SLC14A2: variants seen among roughly 807,000 people sequenced by gnomAD.
The protein encoded by SLC14A2 is urea transporter 2.
SLC14A2 carries 91 observed loss-of-function variants against 104.6 expected under a neutral mutation model. The ratio of observed to expected loss-of-function variants is 0.87; its 90% confidence interval spans 0.73 to 1.04. The LOEUF (loss-of-function observed/expected upper bound fraction) is 1.04. SLC14A2 is among the 50% of genes least tolerant of loss of function. The pLI, the probability that SLC14A2 is intolerant of heterozygous loss-of-function variation, is 0.00. For missense variants in SLC14A2, 1,189 were observed against 1,156.0 expected (o/e 1.03, Z -0.41); for synonymous variants, 476 against 466.4 (o/e 1.02, Z -0.27).
At chr18:45,175,786 A>C in the SLC14A2 span, among the ~76,000 whole-genome samples, 12 of 152,156 alleles carry the variant, frequency 7.9e-5, no homozygotes, top group Non-Finnish European at 1.6e-4. Flanking sequence ...CTGACAGCAC[A>C]CTTTTGAAAG....
At chr18:45,637,746 C>T (rs1370701990) in intron 6 of SLC14A2, among the ~76,000 whole-genome samples, 1 of 152,184 alleles carries the variant, frequency 6.6e-6, no homozygotes, top group Non-Finnish European at 1.5e-5. Context: ...ACGCTGCTCC[C>T]AGGCCACTTC....
At position 45,236,271 on chromosome 18, in the gene SLC14A2, A is replaced by G. The variant is rs576606043; in HGVS notation, c.-125+23080A>G. On this transcript the variant is annotated intron_variant, in intron 1 of 20. Coordinates refer to the SLC14A2 transcript ENST00000586448. ...TGTATATATGTGTATATATACATGT[A>G]TGTGTGTATATGTGTATATATACAT... Among the ~76,000 whole-genome samples the G allele has an allele frequency of 3.3e-4, 17 of 51,028 alleles. 5 individuals are homozygous for G. Among genetic ancestry groups the G allele is most frequent in the Admixed American group, 8.8e-4 (3 of 3,410 alleles). The allele number at this position is 51,028 out of a possible 152,430, so 33.5% of individuals were successfully genotyped here. A position where few individuals can be genotyped will look rare whatever the true frequency, so the allele number is the denominator to read the frequency against.
chr18:45,565,690 C>T (rs541531845), intron 2 of SLC14A2, among the ~76,000 whole-genome samples: 9 of 152,218 alleles, frequency 5.9e-5, no homozygotes, highest in Non-Finnish European at 8.8e-5. Context: ...TCCCAGCACA[C>T]GCATCGGCTC....
upstream of SLC14A2, among the ~76,000 whole-genome samples, chr18:45,611,797 C>G (rs2044975964): frequency 6.6e-6 from 1 of 152,098 alleles, no homozygotes; most frequent in Non-Finnish European, 1.5e-5. Context: ...CATCACTGAC[C>G]CTGCAAAACA....
In SLC14A2 at chr18:45,596,253, C is replaced by T. The variant is rs565455752; in HGVS notation, c.-34-28378C>T. On this transcript the variant is annotated intron_variant, in intron 2 of 20. Transcript: ENST00000586448. ...TCTAAGTTTGAAATACTATTGGAAG[C>T]AGTGGAAATTGGCACGGCTACCTAG... is the stretch of plus-strand genomic sequence containing the variant. 8.5e-5 allele frequency among the ~76,000 whole-genome samples: 13 copies of T among 152,322 alleles called. No individual in the cohort carries two copies. The East Asian group carries it at 2.1e-3, about 25-fold the overall frequency.
chr18:45,433,069 C>T (rs1313685853), intron 1 of SLC14A2, among the ~76,000 whole-genome samples: 3 of 152,092 alleles, frequency 2.0e-5, no homozygotes, highest in Non-Finnish European at 4.4e-5. Flanking sequence ...TTTTCTCTTT[C>T]ACTTCCTCAA....
At chr18:45,499,794 C>T (rs1158170974) in intron 2 of SLC14A2, among the ~76,000 whole-genome samples, 1 of 152,144 alleles carries the variant, frequency 6.6e-6, no homozygotes, top group Non-Finnish European at 1.5e-5. Flanking sequence ...TGGAGATGAT[C>T]ATAGGTATCT....
At chr18:45,553,750 T>A (rs913568297) in intron 2 of SLC14A2, among the ~76,000 whole-genome samples, 1 of 152,152 alleles carries the variant, frequency 6.6e-6, no homozygotes. Context: ...TTCAAAACCA[T>A]AAGGCTTCAG....
chr18:45,474,851 G>A (rs940679883), intron 1 of SLC14A2, among the ~76,000 whole-genome samples: 1 of 151,924 alleles, frequency 6.6e-6, no homozygotes, highest in African/African-American at 2.4e-5. Flanking sequence ...TTAATTTTTT[G>A]AAGGGTTTTT....
chr18:45,628,008 AAAAAAAAAAAAAG>A (rs2045287248), intron 4 of SLC14A2, among the ~76,000 whole-genome samples: 1 of 151,272 alleles, frequency 6.6e-6, no homozygotes, highest in African/African-American at 2.4e-5. Flanking sequence ...CTCAAAAAAA[AAAAAAAAAAAAAG>A]AAAAGAAAAA....
At chr18:45,532,398 CCT>C (rs1303023957) in intron 2 of SLC14A2, among the ~76,000 whole-genome samples, 1 of 151,764 alleles carries the variant, frequency 6.6e-6, no homozygotes, top group Non-Finnish European at 1.5e-5. Flanking sequence ...TTGTAGTTCT[CCT>C]TGAAGAGGTC....
At chr18:45,467,866 A>T (rs1211630251) in intron 1 of SLC14A2, among the ~76,000 whole-genome samples, 1 of 152,134 alleles carries the variant, frequency 6.6e-6, no homozygotes, top group Non-Finnish European at 1.5e-5. Flanking sequence ...GTCCTGGAGG[A>T]GGTGGAGGTA....
chr18:45,327,807 G>A (rs1057075631), intron 1 of SLC14A2, among the ~76,000 whole-genome samples: 15 of 152,294 alleles, frequency 9.8e-5, no homozygotes, highest in African/African-American at 3.1e-4. Flanking sequence ...GGTTGGGTGT[G>A]ATGTATATTT....
chr18:45,214,443 C>T (rs2083989729), intron 1 of SLC14A2, among the ~76,000 whole-genome samples: 1 of 152,158 alleles, frequency 6.6e-6, no homozygotes, highest in Non-Finnish European at 1.5e-5. Flanking sequence ...TGCTTATTTG[C>T]AAAGAGGTTC....
At chr18:45,517,284 G>A (rs557571799) in intron 2 of SLC14A2, among the ~76,000 whole-genome samples, 1 of 152,296 alleles carries the variant, frequency 6.6e-6, no homozygotes, top group East Asian at 1.9e-4. Flanking sequence ...CTCATGAGAC[G>A]CGGCCCTGGC....
Position 45,667,020 on chromosome 18 carries a change from C to A in SLC14A2, c.1643C>A (p.Ala548Asp), listed in dbSNP as rs770949035. The A allele has an allele frequency of 1.2e-6, 2 of 1,613,744 alleles. No individual in the cohort carries two copies. Among genetic ancestry groups the A allele is most frequent in the Non-Finnish European group, 1.7e-6 (2 of 1,179,718 alleles). The change falls in exon 13 of 20, where the codon GCC becomes GAC. Residue 548 changes from alanine to aspartate, a missense_variant. By Grantham distance (126) the Ala-to-Asp change is moderately radical. Transcript: ENST00000255226. Reference sequence around the variant, plus strand: ...TCCTGGATTCGGAGTTCCATGGCTGCCAGTGGGAAAAGGGTCAGCAAAGCC... The same window carrying A: ...TCCTGGATTCGGAGTTCCATGGCTGACAGTGGGAAAAGGGTCAGCAAAGCC... ...KTSWIRSSMA[A>D]SGKRVSKALS... is the part of the protein sequence containing the mutation.
At chr18:45,562,000 T>TA (rs2044206192) in intron 2 of SLC14A2, among the ~76,000 whole-genome samples, 2 of 152,040 alleles carry the variant, frequency 1.3e-5, no homozygotes, top group Admixed American at 6.6e-5. Flanking sequence ...CAGGTATATA[T>TA]TTTTTTTAAG....
chr18:45,231,094 G>A (rs1230328947), intron 1 of SLC14A2, among the ~76,000 whole-genome samples: 1 of 152,202 alleles, frequency 6.6e-6, no homozygotes, highest in African/African-American at 2.4e-5. Context: ...ATGCTTTACA[G>A]GGTAAGAAAT....
At chr18:45,221,740 T>G (rs1398115627) in intron 1 of SLC14A2, among the ~76,000 whole-genome samples, 1 of 152,030 alleles carries the variant, frequency 6.6e-6, no homozygotes, top group Admixed American at 6.6e-5. Flanking sequence ...ACAGAAAACA[T>G]GCAAAGGGTT....
Sources: gnomAD v4.1 joint callset for allele counts (sites outside exome capture counted in the v4.1 genomes callset) on GRCh38, gnomAD v4.1.1 for gene constraint, MANE v1.5 for transcripts, NCBI Gene and HGNC (gene_info 2026-07-23, HGNC 2026-07-21) for gene names.